The following DNAH11 variants were observed in gnomAD, a reference collection of about 807,000 sequenced individuals.
DNAH11 encodes the protein axonemal beta dynein heavy chain 11.
In DNAH11, 442 loss-of-function variants were observed where a neutral mutation model predicts 526.0. The ratio of observed to expected loss-of-function variants is 0.84; its 90% CI spans 0.78 to 0.91. The LOEUF is 0.91. Ranked by LOEUF, DNAH11 falls within the 40% of genes least tolerant of loss-of-function variation. The pLI, the probability that DNAH11 is intolerant of heterozygous loss-of-function variation, is 0.00. For synonymous variants in DNAH11, 2,461 were observed against 1,935.9 expected (o/e 1.27, Z -7.12); for missense variants, 6,989 against 5,448.7 (o/e 1.28, Z -8.90).
chr7:21,839,175 T>C (rs1782108650), intron 65 of DNAH11, among the ~76,000 whole-genome samples: 1 of 152,222 alleles, frequency 6.6e-6, no homozygotes, highest in Non-Finnish European at 1.5e-5. Context: ...TTTACCCATC[T>C]TTCACTTGTA....
chr7:21,686,541 C>T (rs145383406), intron 32 of DNAH11, among the ~76,000 whole-genome samples: 21 of 152,286 alleles, frequency 1.4e-4, no homozygotes, highest in Non-Finnish European at 2.6e-4. Context: ...TGTAGCAACA[C>T]ATTCCAAAGG....
At chr7:21,829,173 C>T (rs138344213) in intron 65 of DNAH11, among the ~76,000 whole-genome samples, 55 of 152,250 alleles carry the variant, frequency 3.6e-4, no homozygotes, top group African/African-American at 1.3e-3. Flanking sequence ...GCAGGATGTG[C>T]AGTAAGGCTT....
At position 21,744,422 on chromosome 7, in the gene DNAH11, C is replaced by T. The variant is rs748109476; in HGVS notation, c.8155-16C>T. 35 of 1,609,968 alleles carry T rather than the reference C, an allele frequency of 2.2e-5. No homozygotes were observed. The highest frequency in any genetic ancestry group is 2.8e-5 in the Non-Finnish European group (33 of 1,178,710). On this transcript the variant is annotated splice_polypyrimidine_tract_variant and intron_variant, in intron 49 of 81. Coordinates refer to ENST00000409508, the MANE Select transcript of DNAH11 (RefSeq NM_001277115.2). ...GCCTCTGAATTAAAGGTATTTTCCC[C>T]ATTCTTGCCTTGTAGGGGATTTTAT...
intron 14 of DNAH11, 50 bp from the exon 15 acceptor site, chr7:21,599,737 T>TA (rs1421771428): frequency 5.3e-6 from 7 of 1,332,050 alleles, no homozygotes; most frequent in Non-Finnish European, 7.0e-6. Context: ...TTTTAGTTTT[T>TA]ATGCTAATTA....
Position 21,834,792 on chromosome 7 carries a change from C to T in DNAH11, c.10692-7752C>T, listed in dbSNP as rs574112754. 1.1e-4 allele frequency among the ~76,000 whole-genome samples: 16 copies of T among 152,236 alleles called. No homozygotes were observed. The East Asian group carries it at 1.7e-3, about 17-fold the overall frequency. On this transcript the variant is annotated intron_variant, in intron 65 of 81. Coordinates refer to ENST00000409508, the MANE Select transcript of DNAH11 (RefSeq NM_001277115.2). ...CCTAGAAGTTCAAGGTTGCAGTGAG[C>T]TATGATCACACCACTGCATACCAGT...
intron 54 of DNAH11, among the ~76,000 whole-genome samples, chr7:21,752,640 A>T (rs1206924109): frequency 6.6e-6 from 1 of 152,144 alleles, no homozygotes; most frequent in African/African-American, 2.4e-5. Context: ...GGATCCTCAG[A>T]TCCATTTCTT....
chr7:21,901,763 TGTCC>T lies in DNAH11; in HGVS notation c.*510_*513del, dbSNP rs1338377208. 52 of 15,724 alleles carry T rather than the reference TGTCC, an allele frequency of 3.3e-3. No individual in the cohort carries two copies. The Non-Finnish European group carries it at 0.054, about 16-fold the overall frequency. 1.0% of individuals were successfully genotyped at this position (15,724 alleles called of 1,614,324 possible). On this transcript the variant is annotated 3_prime_UTR_variant, in exon 82 of 82. Transcript: ENST00000409508. ...GGCTAGCACTCTGTAAGGCCTCCAGTGTCCAGTGTCTACAATGTTGATGGTCCCC... is the reference window on the plus strand; with the variant it reads ...GGCTAGCACTCTGTAAGGCCTCCAGTAGTGTCTACAATGTTGATGGTCCCC...
chr7:21,791,683 A>G (rs148996208), intron 61 of DNAH11, among the ~76,000 whole-genome samples: 217 of 152,298 alleles, frequency 1.4e-3, no homozygotes, highest in Middle Eastern at 6.8e-3. Flanking sequence ...ATTCCCACCT[A>G]TGATTCCTGA....
At chr7:21,711,957 A>G in intron 42 of DNAH11, 97 bp downstream of exon 42, 1 of 1,368,132 alleles carries the variant, frequency 7.3e-7, no homozygotes, top group Non-Finnish European at 1.0e-6. Context: ...GTTGTTGCAC[A>G]GCTGTCACCA....
Position 21,866,545 on chromosome 7 carries a change from G to A in DNAH11, c.11572G>A (p.Val3858Ile), listed in dbSNP as rs769064243. 3.1e-6 allele frequency: 5 copies of A among 1,613,812 alleles called. No individual in the cohort carries two copies. The South Asian group carries it at 4.4e-5, about 14-fold the overall frequency. Reference protein sequence around the residue: ...EGSAKQWRKWVESECPEKEKL... With the variant: ...EGSAKQWRKWIESECPEKEKL... ...ATCTGCCAAGCAGTGGAGGAAGTGG[G>A]TAGAATCCGAGTGTCCAGAAAAAGA... is the stretch of plus-strand genomic sequence containing the variant. The change falls in exon 71 of 82, where the codon GTA becomes ATA. Residue 3858 changes from valine to isoleucine, a missense_variant. Val to Ile is a conservative substitution (Grantham distance 29). Coordinates refer to ENST00000409508, the MANE Select transcript of DNAH11 (RefSeq NM_001277115.2).
intron 66 of DNAH11, among the ~76,000 whole-genome samples, chr7:21,849,224 A>G (rs183212416): frequency 2.8e-3 from 434 of 152,288 alleles, no homozygotes; most frequent in Middle Eastern, 0.017. Flanking sequence ...CCTCATTGGT[A>G]ATGCAGTTAT....
chr7:21,785,252 T>G (rs1052373251), intron 58 of DNAH11, among the ~76,000 whole-genome samples: 12 of 152,186 alleles, frequency 7.9e-5, no homozygotes, highest in Admixed American at 2.6e-4. Flanking sequence ...TTCATAGAAA[T>G]CCTGAATTCG....
At chr7:21,706,317 A>G (rs908771451) in intron 39 of DNAH11, among the ~76,000 whole-genome samples, 1 of 152,106 alleles carries the variant, frequency 6.6e-6, no homozygotes, top group Non-Finnish European at 1.5e-5. Flanking sequence ...ATGCATTTTA[A>G]TTCAGGATGC....
intron 20 of DNAH11, among the ~76,000 whole-genome samples, chr7:21,607,652 G>A (rs571885256): frequency 6.6e-6 from 1 of 151,884 alleles, no homozygotes; most frequent in African/African-American, 2.4e-5. Context: ...CAAGCTTGTG[G>A]CCGGGTACGG....
intron 54 of DNAH11, among the ~76,000 whole-genome samples, chr7:21,750,760 C>A (rs1257337981): frequency 6.6e-6 from 1 of 152,072 alleles, no homozygotes; most frequent in African/African-American, 2.4e-5. Flanking sequence ...ACGTGTTTAG[C>A]ATGGAGAAGA....
chr7:21,626,684 A>G (rs1387128507), intron 25 of DNAH11, among the ~76,000 whole-genome samples: 1 of 147,668 alleles, frequency 6.8e-6, no homozygotes. Flanking sequence ...TATGATTTGC[A>G]TTTCTCTTAG....
intron 64 of DNAH11, 68 bp from the exon 65 acceptor site, chr7:21,818,149 A>T (rs539496322): frequency 2.7e-6 from 4 of 1,486,956 alleles, no homozygotes; most frequent in African/African-American, 1.4e-5. Context: ...TAATTTGATC[A>T]TTTAAAAAAT....
At chr7:21,703,834 T>A (rs1784154144) in intron 37 of DNAH11, 1 of 152,250 alleles carries the variant, frequency 6.6e-6, no homozygotes, top group African/African-American at 2.4e-5. Context: ...TTTGTACTTT[T>A]CTTTGCCAAT....
rs537131777 is a variant in DNAH11, at chr7:21,772,003, A to G, written c.9103-1763A>G. ...AGGAAGTGCTGTCACTACTGACCTTATCATAAGAGAAAGTGACAAATTGAG... is the reference window on the plus strand; with the variant it reads ...AGGAAGTGCTGTCACTACTGACCTTGTCATAAGAGAAAGTGACAAATTGAG... On this transcript the variant is annotated intron_variant, in intron 55 of 81. Transcript: ENST00000409508. Among the ~76,000 whole-genome samples the G allele has an allele frequency of 2.6e-5, 4 of 152,338 alleles. No homozygotes were observed. The East Asian group carries it at 7.7e-4, about 29-fold the overall frequency.
Sources: gnomAD v4.1 joint callset for allele counts (sites outside exome capture counted in the v4.1 genomes callset) on GRCh38, gnomAD v4.1.1 for gene constraint, MANE v1.5 for transcripts, NCBI Gene and HGNC (gene_info 2026-07-23, HGNC 2026-07-21) for gene names.